Variants in INTU observed in about 807,000 individuals in gnomAD.
INTU encodes inturned planar cell polarity protein, also known as protein inturned.
A neutral mutation model predicts 100.5 loss-of-function variants in INTU; 68 were observed. The observed-to-expected ratio is 0.68, with a 90% CI of 0.56 to 0.83. The LOEUF is 0.83. Ranked by LOEUF, INTU falls within the 40% of genes least tolerant of loss-of-function variation. INTU has a pLI of 0.00. For synonymous variants in INTU, 357 were observed against 395.7 expected (o/e 0.90, Z 1.16); for missense variants, 1,071 against 1,114.7 (o/e 0.96, Z 0.56).
rs1372392760 is a variant in INTU, at chr4:127,725,404, A to G, written c.*8968A>G. On this transcript the variant is annotated 3_prime_UTR_variant, in exon 16 of 16. Transcript: ENST00000335251. ...ACTGCTGTCTTAGGACTGCTTATTT[A>G]CATATATATGTATTAAGACACTTTG... is the stretch of plus-strand genomic sequence containing the variant. 6.6e-6 allele frequency: 1 copy of G among 152,230 alleles called. No homozygotes were observed. The highest frequency in any genetic ancestry group is 2.4e-5 in the African/African-American group (1 of 41,456). 9.4% of individuals were successfully genotyped at this position (152,230 alleles called of 1,614,324 possible).
intron 14 of INTU, among the ~76,000 whole-genome samples, chr4:127,712,994 A>G (rs6840822): frequency 1 from 152,315 of 152,326 alleles, 76,152 homozygotes; most frequent in Non-Finnish European, 1. Context: ...TACTGGAGCA[A>G]ACTGAGTGAG....
intron 5 of INTU, among the ~76,000 whole-genome samples, chr4:127,671,547 A>G (rs541355724): frequency 3.9e-5 from 6 of 152,216 alleles, no homozygotes; most frequent in African/African-American, 1.4e-4. Context: ...TACAGAAAAC[A>G]GTATGGAGAT....
Position 127,700,064 on chromosome 4 carries a change from G to C in INTU, c.1503+1G>C. The C allele has an allele frequency of 6.2e-7, 1 of 1,602,732 alleles. No individual in the cohort carries two copies. On this transcript the variant is annotated splice_donor_variant, in intron 9 of 15. Coordinates refer to ENST00000335251, the MANE Select transcript of INTU (RefSeq NM_015693.4). LOFTEE classifies it high-confidence loss of function. The stretch of plus-strand genomic sequence containing the variant: ...GGAGGCTGCAGATTTTGCAGAACTG[G>C]TAAGGGAAGGAGTGGATTTTATAAA...
At chr4:127,661,830 T>C (rs1728491199) in intron 3 of INTU, among the ~76,000 whole-genome samples, 1 of 152,212 alleles carries the variant, frequency 6.6e-6, no homozygotes, top group Admixed American at 6.5e-5. Flanking sequence ...GATCTAATAA[T>C]AGATCTGCTT....
At chr4:127,666,761 G>T (rs1728715986) in intron 4 of INTU, among the ~76,000 whole-genome samples, 1 of 152,228 alleles carries the variant, frequency 6.6e-6, no homozygotes, top group African/African-American at 2.4e-5. Flanking sequence ...GGGTCTCTCA[G>T]AGCATCTAGT....
intron 6 of INTU, among the ~76,000 whole-genome samples, chr4:127,682,021 C>T (rs1051521264): frequency 6.8e-6 from 1 of 147,140 alleles, no homozygotes; most frequent in African/African-American, 2.7e-5. Context: ...CATCACTGGC[C>T]ATCAGAGAAA....
chr4:127,696,508 T>C (rs1026731591), intron 8 of INTU, among the ~76,000 whole-genome samples: 2 of 152,230 alleles, frequency 1.3e-5, no homozygotes, highest in Middle Eastern at 3.4e-3. Flanking sequence ...TTAATGTCCA[T>C]GGACCCTGTA....
At chr4:127,705,469 C>G in intron 10 of INTU, 122 bp from the exon 11 acceptor site, 1 of 733,064 alleles carries the variant, frequency 1.4e-6, no homozygotes, top group Non-Finnish European at 2.3e-6. Context: ...TCTTCATTTA[C>G]CCCATTTGAA....
At chr4:127,693,868 A>G (rs577618674) in intron 8 of INTU, among the ~76,000 whole-genome samples, 1 of 152,050 alleles carries the variant, frequency 6.6e-6, no homozygotes, top group Admixed American at 6.6e-5. Context: ...TATGTAGTGT[A>G]TCATTTATTG....
rs1730857598 is a variant in INTU at position 127,705,829 on chromosome 4, T to G, written c.1788+17T>G. The G allele has an allele frequency of 1.3e-6, 2 of 1,591,084 alleles. No individual in the cohort carries two copies. Among genetic ancestry groups the G allele is most frequent in the South Asian group, 2.2e-5 (2 of 89,594 alleles). On this transcript the variant is annotated intron_variant, in intron 11 of 15. Transcript: ENST00000335251. ...GTTGGCTTGGTAAGTTTACCTCAGC[T>G]TCTTTCTTAGGATTTTTCTTCTTTT... is the stretch of plus-strand genomic sequence containing the variant.
At chr4:127,653,836 A>G (rs922470308) in intron 2 of INTU, among the ~76,000 whole-genome samples, 4 of 151,766 alleles carry the variant, frequency 2.6e-5, no homozygotes, top group Non-Finnish European at 5.9e-5. Flanking sequence ...AAAGTCTCCC[A>G]TTATTAATGT....
intron 1 of INTU, among the ~76,000 whole-genome samples, chr4:127,639,291 T>A (rs1437805490): frequency 6.6e-6 from 1 of 152,162 alleles, no homozygotes; most frequent in Admixed American, 6.6e-5. Flanking sequence ...ATTACCTTGA[T>A]CACTTGGTTA....
chr4:127,670,819 G>T (rs746765827), intron 5 of INTU, among the ~76,000 whole-genome samples: 13 of 151,874 alleles, frequency 8.6e-5, no homozygotes, highest in Non-Finnish European at 1.5e-4. Flanking sequence ...CATGCCTATA[G>T]CCAATTGACC....
At position 127,677,779 on chromosome 4, in the gene INTU, G is replaced by A. The variant is rs1457615640; in HGVS notation, c.1181+3566G>A. 9.8e-5 allele frequency among the ~76,000 whole-genome samples: 15 copies of A among 152,348 alleles called. 1 individual carries two copies. ...TGACTTTGACGAGATGAGAGAAGAA[G>A]GCTTCAGACGATCAAACTACTCCGA... On this transcript the variant is annotated intron_variant, in intron 6 of 15. Coordinates refer to ENST00000335251, the MANE Select transcript of INTU (RefSeq NM_015693.4).
intron 4 of INTU, among the ~76,000 whole-genome samples, chr4:127,664,041 C>G (rs1473124148): frequency 6.6e-6 from 1 of 152,030 alleles, no homozygotes; most frequent in Non-Finnish European, 1.5e-5. Flanking sequence ...AAAATTTCCT[C>G]TGTGCTCTGT....
chr4:127,699,648 TA>T (rs1205500848), intron 8 of INTU, among the ~76,000 whole-genome samples: 6 of 152,246 alleles, frequency 3.9e-5, no homozygotes. Context: ...TCAAAAGGGT[TA>T]AATTAATTTC....
chr4:127,666,391 A>G (rs1273266250), intron 4 of INTU, among the ~76,000 whole-genome samples: 1 of 152,110 alleles, frequency 6.6e-6, no homozygotes, highest in Non-Finnish European at 1.5e-5. Context: ...GAGTCTTGTC[A>G]TTCTAATGAG....
intron 2 of INTU, among the ~76,000 whole-genome samples, chr4:127,651,258 A>T (rs1265129981): frequency 6.6e-6 from 1 of 152,016 alleles, no homozygotes; most frequent in East Asian, 1.9e-4. Context: ...TTTTGTTGCC[A>T]TTGCTTTTGG....
intron 6 of INTU, among the ~76,000 whole-genome samples, chr4:127,683,473 G>C (rs905065813): frequency 3.3e-5 from 5 of 152,154 alleles, no homozygotes; most frequent in African/African-American, 1.2e-4. Flanking sequence ...ACACGTCTTC[G>C]TATCACCAAC....
Sources: allele counts gnomAD v4.1 joint callset (sites outside exome capture counted in the v4.1 genomes callset), GRCh38; gene constraint gnomAD v4.1.1; transcripts MANE v1.5; gene names NCBI Gene and HGNC (gene_info 2026-07-23, HGNC 2026-07-21).